The following AXIN1 variants were observed in gnomAD, a reference collection of about 807,000 sequenced individuals.
AXIN1 encodes the protein axin-1.
In AXIN1, 30 loss-of-function variants were observed where a neutral mutation model predicts 76.4. The ratio of observed to expected loss-of-function variants is 0.39; its 90% CI spans 0.29 to 0.53. The LOEUF (loss-of-function observed/expected upper bound fraction) is 0.53, where lower values mean the gene tolerates loss of function less well. Ranked by LOEUF, AXIN1 falls within the 20% of genes least tolerant of loss-of-function variation. The pLI, the probability that AXIN1 is intolerant of heterozygous loss-of-function variation, is 0.66. For synonymous variants in AXIN1, 545 were observed against 501.4 expected (o/e 1.09, Z -1.16); for missense variants, 1,140 against 1,198.8 (o/e 0.95, Z 0.72).
chr16:320,821 C>G (rs1357548665), intron 2 of AXIN1, among the ~76,000 whole-genome samples: 4 of 148,078 alleles, frequency 2.7e-5, no homozygotes, highest in Admixed American at 1.4e-4. Flanking sequence ...CTCACTACAA[C>G]CTCCGCCTCC....
chr16:341,787 C>G (rs1042722955), intron 2 of AXIN1, among the ~76,000 whole-genome samples: 3 of 152,228 alleles, frequency 2.0e-5, no homozygotes, highest in African/African-American at 7.2e-5. Flanking sequence ...GTATCTAGCA[C>G]AAGGTTTGTA....
At chr16:337,957 G>C (rs184744413) in intron 2 of AXIN1, among the ~76,000 whole-genome samples, 193 of 152,340 alleles carry the variant, frequency 1.3e-3, no homozygotes, top group African/African-American at 4.4e-3. Flanking sequence ...ACCTTCTGGA[G>C]CTAATGGGTT....
chr16:335,314 A>G lies in AXIN1; in HGVS notation c.878+10834T>C, dbSNP rs2526304. On this transcript the variant is annotated intron_variant, in intron 2 of 10. Transcript: ENST00000262320. Reference sequence around the variant, plus strand: ...GTCACCCTCAGATCTCCACACAGGCACACCTCGGCCACTAGTCTGTACCAG... The same window carrying G: ...GTCACCCTCAGATCTCCACACAGGCGCACCTCGGCCACTAGTCTGTACCAG... Among the ~76,000 whole-genome samples the G allele has an allele frequency of 1.8e-3, 271 of 152,132 alleles. 1 individual carries two copies. Among genetic ancestry groups the G allele is most frequent in the African/African-American group, 6.2e-3 (259 of 41,496 alleles).
At chr16:335,900 A>G (rs375411591) in intron 2 of AXIN1, among the ~76,000 whole-genome samples, 1 of 152,254 alleles carries the variant, frequency 6.6e-6, no homozygotes, top group Middle Eastern at 3.2e-3. Flanking sequence ...AATGAAAAAA[A>G]CGGCCATTAT....
chr16:298,671 C>T (rs2052786857), intron 5 of AXIN1, among the ~76,000 whole-genome samples: 1 of 152,184 alleles, frequency 6.6e-6, no homozygotes, highest in East Asian at 1.9e-4. Context: ...CCACGCCCAG[C>T]TAATTTTTTT....
intron 2 of AXIN1, among the ~76,000 whole-genome samples, chr16:323,020 G>A (rs750428572): frequency 6.6e-6 from 1 of 152,210 alleles, no homozygotes; most frequent in Non-Finnish European, 1.5e-5. Flanking sequence ...AGCCAAGCGT[G>A]GCTCAGGCCT....
At chr16:329,055 G>C (rs1265188491) in intron 2 of AXIN1, among the ~76,000 whole-genome samples, 1 of 152,068 alleles carries the variant, frequency 6.6e-6, no homozygotes, top group East Asian at 1.9e-4. Flanking sequence ...GCAGGAGGGA[G>C]GATCACGACG....
chr16:302,431 C>G (rs533246519), intron 5 of AXIN1, among the ~76,000 whole-genome samples: 1 of 152,390 alleles, frequency 6.6e-6, no homozygotes, highest in African/African-American at 2.4e-5. Flanking sequence ...AAATCGACGT[C>G]TGTGTGTGAG....
At chr16:292,676 C>T (rs1377066486) in intron 8 of AXIN1, 1 of 152,262 alleles carries the variant, frequency 6.6e-6, no homozygotes, top group Non-Finnish European at 1.5e-5. Context: ...CTCAAAGAGA[C>T]ACTGATCTGT....
Position 293,367 on chromosome 16 carries a change from G to T in AXIN1, c.2186+121C>A. 1.0e-6 allele frequency: 1 copy of T among 998,562 alleles called. No individual in the cohort carries two copies. Among genetic ancestry groups the T allele is most frequent in the Non-Finnish European group, 1.5e-6 (1 of 669,806 alleles). The allele number at this position is 998,562 out of a possible 1,614,324, so 61.9% of individuals were successfully genotyped here. On this transcript the variant is annotated intron_variant, in intron 8 of 10. Coordinates refer to ENST00000262320, the MANE Select transcript of AXIN1 (RefSeq NM_003502.4). This position sits in a 1 kb window ranked among gnomAD's most constrained non-coding sequence, Gnocchi z 4.6. ...TCAGTGGATGGAAGGGCCCAGTATG[G>T]CTGGGGGACACCCAGAGGGCCGTTT...
intron 2 of AXIN1, among the ~76,000 whole-genome samples, chr16:340,516 C>G (rs886458663): frequency 1.2e-4 from 18 of 152,266 alleles, no homozygotes; most frequent in Non-Finnish European, 2.2e-4. Flanking sequence ...TGAAGGGAAG[C>G]AGAGCCTGAG....
intron 2 of AXIN1, among the ~76,000 whole-genome samples, chr16:324,008 A>G (rs2053523353): frequency 6.6e-6 from 1 of 152,130 alleles, no homozygotes; most frequent in Admixed American, 6.5e-5. Flanking sequence ...CCCATAGTCC[A>G]TGGGGAGACC....
At chr16:326,512 G>A (rs1470180621) in intron 2 of AXIN1, among the ~76,000 whole-genome samples, 2 of 150,522 alleles carry the variant, frequency 1.3e-5, no homozygotes, top group Non-Finnish European at 3.0e-5. Flanking sequence ...ACCATGGGAG[G>A]CCAAGGCGGG....
At chr16:318,820 C>A (rs571717204) in intron 2 of AXIN1, among the ~76,000 whole-genome samples, 3 of 152,220 alleles carry the variant, frequency 2.0e-5, no homozygotes, top group Non-Finnish European at 4.4e-5. Context: ...GATGCTGACC[C>A]CTGGCTGTGT....
intron 2 of AXIN1, among the ~76,000 whole-genome samples, chr16:343,957 G>A (rs1462407536): frequency 2.7e-5 from 4 of 150,022 alleles, no homozygotes; most frequent in African/African-American, 4.9e-5. Flanking sequence ...CCGAGATAGC[G>A]AGATAGTGCT....
intron 5 of AXIN1, chr16:299,140 G>A (rs2052799218): frequency 9.1e-6 from 9 of 985,414 alleles, no homozygotes; most frequent in South Asian, 9.4e-5. Flanking sequence ...GCTGCCTGAC[G>A]AGCTTCCACA....
intron 2 of AXIN1, among the ~76,000 whole-genome samples, chr16:319,889 G>A (rs956789917): frequency 1.1e-4 from 16 of 152,152 alleles, no homozygotes; most frequent in Admixed American, 1.3e-4. Context: ...GGCCACCGTC[G>A]GATCGGGTTG....
At position 343,413 on chromosome 16, in the gene AXIN1, C is replaced by G. The variant is rs536459761; in HGVS notation, c.878+2735G>C. Among the ~76,000 whole-genome samples the G allele has an allele frequency of 2.0e-3, 305 of 152,244 alleles. 4 individuals carry two copies. The highest frequency in any genetic ancestry group is 6.3e-3 in the African/African-American group (262 of 41,560). On this transcript the variant is annotated intron_variant, in intron 2 of 10. Coordinates refer to ENST00000262320, the MANE Select transcript of AXIN1 (RefSeq NM_003502.4). ...ACTTCAGTCCCATCTTAAAAATAAC[C>G]AGCCGGGGCCGGGCGCAGTGGCTCA...
intron 5 of AXIN1, among the ~76,000 whole-genome samples, chr16:302,610 G>A (rs1443163564): frequency 2.6e-5 from 4 of 152,180 alleles, no homozygotes; most frequent in Non-Finnish European, 4.4e-5. Flanking sequence ...GGCACCCTGC[G>A]TCCACCCTCA....
Sources: gnomAD v4.1 joint callset for allele counts (sites outside exome capture counted in the v4.1 genomes callset) on GRCh38, gnomAD v4.1.1 for gene constraint, Gnocchi (gnomAD v3.1) non-coding constraint, MANE v1.5 for transcripts, NCBI Gene and HGNC (gene_info 2026-07-23, HGNC 2026-07-21) for gene names.